Variants in NEXMIF observed in about 807,000 individuals in gnomAD.
NEXMIF encodes XLMR protein related to neurite extension.
NEXMIF carries 8 observed loss-of-function variants against 62.1 expected under a neutral mutation model. The observed-to-expected ratio is 0.13, with a 90% CI of 0.08 to 0.23. The LOEUF is 0.23. Ranked by LOEUF, NEXMIF falls within the 10% of genes least tolerant of loss-of-function variation. NEXMIF has a pLI of 1.00. For missense variants in NEXMIF, 976 were observed against 1,113.3 expected (o/e 0.88, Z 1.75); for synonymous variants, 404 against 416.6 (o/e 0.97, Z 0.37).
At chrX:74,790,482 CT>C (rs1257766278) in intron 1 of NEXMIF, among the ~76,000 whole-genome samples, 1 of 110,537 alleles carries the variant, frequency 9.0e-6, no homozygotes, top group Non-Finnish European at 1.9e-5. Context: ...TCCATATGAA[CT>C]TTAAAGTAGT....
At chrX:74,837,347 G>A (rs1311000460) in intron 1 of NEXMIF, among the ~76,000 whole-genome samples, 1 of 111,914 alleles carries the variant, frequency 8.9e-6, no homozygotes, top group Non-Finnish European at 1.9e-5. Context: ...GAGTACTAAC[G>A]TTGCAGGTTT....
At chrX:74,865,557 T>A (rs2080575742) in intron 1 of NEXMIF, among the ~76,000 whole-genome samples, 1 of 112,357 alleles carries the variant, frequency 8.9e-6, no homozygotes, top group African/African-American at 3.2e-5. Context: ...AGGAGCTGAA[T>A]GTTAATCACC....
intron 1 of NEXMIF, among the ~76,000 whole-genome samples, chrX:74,805,065 C>T (rs762967646): frequency 8.9e-6 from 1 of 112,538 alleles, no homozygotes; most frequent in East Asian, 2.8e-4. Context: ...TCGCTGTGCT[C>T]TCCCTCTTTC....
intron 1 of NEXMIF, among the ~76,000 whole-genome samples, chrX:74,920,386 G>A (rs2080822566): frequency 8.9e-6 from 1 of 112,350 alleles, no homozygotes; most frequent in Admixed American, 9.4e-5. Flanking sequence ...GTGATGATGA[G>A]CAGTTTTTCA....
chrX:74,814,062 C>T (rs1280813901), intron 1 of NEXMIF, among the ~76,000 whole-genome samples: 1 of 111,589 alleles, frequency 9.0e-6, no homozygotes, highest in Non-Finnish European at 1.9e-5. Context: ...TAGCACATTC[C>T]AAGAAAATGG....
At chrX:74,794,745 G>GCCGT (rs2080300293) in intron 1 of NEXMIF, among the ~76,000 whole-genome samples, 1 of 111,442 alleles carries the variant, frequency 9.0e-6, no homozygotes, top group Admixed American at 9.5e-5. Context: ...TTTTCCAGGT[G>GCCGT]CCGTCCGTCA....
rs759039271 is a variant in NEXMIF at position 74,820,330 on chromosome X, T to TATAATAATAATAATA, written c.-47-74648_-47-74634dup. ...TGCACATGTACCCTAGAACTTAAAG[T>TATAATAATAATAATA]ATAATAATAATAATAATAATAATAA... On this transcript the variant is annotated intron_variant, in intron 1 of 3. Coordinates refer to ENST00000055682, the MANE Select transcript of NEXMIF (RefSeq NM_001008537.3). 2.1e-3 allele frequency among the ~76,000 whole-genome samples: 230 copies of TATAATAATAATAATA among 108,294 alleles called. 1 individual carries two copies. Among genetic ancestry groups the TATAATAATAATAATA allele is most frequent in the African/African-American group, 7.3e-3 (218 of 29,839 alleles). The allele number at this position is 108,294 out of a possible 115,157, so 94.0% of individuals were successfully genotyped here.
intron 1 of NEXMIF, among the ~76,000 whole-genome samples, chrX:74,825,522 T>C (rs2080412757): frequency 8.9e-6 from 1 of 112,113 alleles, no homozygotes; most frequent in African/African-American, 3.2e-5. Flanking sequence ...GTAAGGATAA[T>C]GGCCTCCAGC....
intron 1 of NEXMIF, among the ~76,000 whole-genome samples, chrX:74,786,474 T>A (rs1036481155): frequency 1.8e-5 from 2 of 111,294 alleles, no homozygotes; most frequent in Non-Finnish European, 3.8e-5. Context: ...AAGAGGCAGA[T>A]CAATTACCTA....
chrX:74,869,711 T>C (rs2080593247), intron 1 of NEXMIF, among the ~76,000 whole-genome samples: 2 of 111,646 alleles, frequency 1.8e-5, no homozygotes, highest in African/African-American at 6.5e-5. Context: ...AATAATTCCA[T>C]TTACAATAGC....
intron 1 of NEXMIF, among the ~76,000 whole-genome samples, chrX:74,882,385 T>C (rs1206296818): frequency 8.9e-6 from 1 of 112,020 alleles, no homozygotes; most frequent in African/African-American, 3.2e-5. Flanking sequence ...GTCAGGGAAT[T>C]CCCTTTCCTA....
At position 74,741,284 on chromosome X, in the gene NEXMIF, T is replaced by G; in HGVS notation, c.3273A>C (p.Thr1091=). ...CTTGGAACCCCTTTAGTGTTCCTAGTGTCTTCATACTCTCACATCTGGTAA... is the reference window on the plus strand; with the variant it reads ...CTTGGAACCCCTTTAGTGTTCCTAGGGTCTTCATACTCTCACATCTGGTAA... The part of the protein sequence containing the change: ...PQITRCESMK[T]LGTLKGFQEG... The change falls in exon 3 of 4, where the codon ACA becomes ACC. Residue 1091 remains threonine (T), a synonymous_variant. Coordinates refer to ENST00000055682, the MANE Select transcript of NEXMIF (RefSeq NM_001008537.3). 1 of 1,210,842 alleles carries G rather than the reference T, an allele frequency of 8.3e-7. No homozygotes were observed. Among genetic ancestry groups the G allele is most frequent in the Non-Finnish European group, 1.1e-6 (1 of 894,706 alleles).
intron 1 of NEXMIF, among the ~76,000 whole-genome samples, chrX:74,810,416 G>T (rs1198503759): frequency 9.0e-6 from 1 of 110,998 alleles, no homozygotes; most frequent in Non-Finnish European, 1.9e-5. Flanking sequence ...CCATAGGTTT[G>T]ACAGAAAAAA....
chrX:74,789,363 C>A (rs1413869100), intron 1 of NEXMIF, among the ~76,000 whole-genome samples: 1 of 106,149 alleles, frequency 9.4e-6, no homozygotes, highest in East Asian at 3.0e-4. Flanking sequence ...TTTTCTTAAT[C>A]CAGTCTATCA....
intron 1 of NEXMIF, among the ~76,000 whole-genome samples, chrX:74,820,934 A>G (rs1044200040): frequency 1.8e-5 from 2 of 111,237 alleles, no homozygotes; most frequent in African/African-American, 3.3e-5. Context: ...TGCCTGGGTG[A>G]ACATGAAATA....
chrX:74,805,464 T>A lies in NEXMIF; in HGVS notation c.-47-59767A>T, dbSNP rs151212916. The stretch of plus-strand genomic sequence containing the variant: ...TTTCACCCATTCTGTAGGCTGCCTG[T>A]TTACTCTGTTGATAGCTTCTTTTGC... On this transcript the variant is annotated intron_variant, in intron 1 of 3. Transcript: ENST00000055682. 2.3e-4 allele frequency among the ~76,000 whole-genome samples: 26 copies of A among 112,498 alleles called. No individual in the cohort carries two copies. In the East Asian group the frequency reaches 7.0e-3, roughly 30 times the overall value.
intron 1 of NEXMIF, among the ~76,000 whole-genome samples, chrX:74,859,413 T>C (rs2080547576): frequency 9.0e-6 from 1 of 111,174 alleles, no homozygotes; most frequent in East Asian, 2.8e-4. Flanking sequence ...CCCGTGAAAA[T>C]TGCCTTCAAA....
chrX:74,747,682 C>G (rs1298177876), intron 1 of NEXMIF, among the ~76,000 whole-genome samples: 1 of 109,431 alleles, frequency 9.1e-6, no homozygotes, highest in Non-Finnish European at 1.9e-5. Flanking sequence ...ATTCCATCAC[C>G]CAGGTGGAGG....
chrX:74,785,272 A>C (rs1262302037), intron 1 of NEXMIF, among the ~76,000 whole-genome samples: 1 of 111,153 alleles, frequency 9.0e-6, no homozygotes, highest in Non-Finnish European at 1.9e-5. Context: ...TCCATTTTAC[A>C]TATAAAGAAA....
Sources: gnomAD v4.1 joint callset for allele counts (sites outside exome capture counted in the v4.1 genomes callset) on GRCh38, gnomAD v4.1.1 for gene constraint, MANE v1.5 for transcripts, NCBI Gene and HGNC (gene_info 2026-07-23, HGNC 2026-07-21) for gene names.